Variants in FAM110B observed in about 807,000 individuals in gnomAD.
The protein encoded by FAM110B is protein FAM110B.
FAM110B carries 6 observed loss-of-function variants against 20.4 expected under a neutral mutation model. The ratio of observed to expected loss-of-function variants is 0.29; its 90% CI spans 0.16 to 0.58. The LOEUF is 0.58. Among genes scored for constraint, FAM110B ranks in the 20% least tolerant of loss-of-function variants. FAM110B has a pLI of 0.90. For synonymous variants in FAM110B, 226 were observed against 214.1 expected (o/e 1.06, Z -0.49); for missense variants, 434 against 498.2 (o/e 0.87, Z 1.23).
At chr8:57,997,060 C>T (rs1213254288) in intron 1 of FAM110B, among the ~76,000 whole-genome samples, 1 of 152,108 alleles carries the variant, frequency 6.6e-6, no homozygotes, top group African/African-American at 2.4e-5. Flanking sequence ...TTTAAAAAAT[C>T]GTGATTCCTA....
At chr8:58,012,328 G>C (rs554300836) in intron 1 of FAM110B, among the ~76,000 whole-genome samples, 2 of 151,614 alleles carry the variant, frequency 1.3e-5, no homozygotes, top group Admixed American at 1.3e-4. Flanking sequence ...TAAAACTAAA[G>C]ATCTTCTTAG....
chr8:58,067,173 AAC>A (rs1403275210), intron 2 of FAM110B, among the ~76,000 whole-genome samples: 1 of 152,220 alleles, frequency 6.6e-6, no homozygotes, highest in Non-Finnish European at 1.5e-5. Context: ...AAATTCTGGA[AAC>A]ACAGCCTCAT....
chr8:58,022,743 G>A (rs1015036998), intron 1 of FAM110B, among the ~76,000 whole-genome samples: 2 of 152,132 alleles, frequency 1.3e-5, no homozygotes, highest in Non-Finnish European at 2.9e-5. Flanking sequence ...CTTTTCTTAG[G>A]GAAGGCCAAA....
chr8:58,101,416 C>T (rs1806776978), intron 3 of FAM110B, among the ~76,000 whole-genome samples: 1 of 152,200 alleles, frequency 6.6e-6, no homozygotes, highest in Admixed American at 6.5e-5. Flanking sequence ...ATCATCCTAG[C>T]TTAACTTCAT....
intron 3 of FAM110B, among the ~76,000 whole-genome samples, chr8:58,096,853 A>C (rs1397698258): frequency 6.6e-6 from 1 of 152,148 alleles, no homozygotes; most frequent in Admixed American, 6.5e-5. Flanking sequence ...TCTCTCTTAG[A>C]ATGTTGAATA....
Position 58,146,159 on chromosome 8 carries a change from T to C in FAM110B, c.-72T>C. 1 of 1,501,992 alleles carries C rather than the reference T, an allele frequency of 6.7e-7. No individual in the cohort carries two copies. Among genetic ancestry groups the C allele is most frequent in the East Asian group, 2.3e-5 (1 of 43,700 alleles). 93.0% of individuals were successfully genotyped at this position (1,501,992 alleles called of 1,614,324 possible). ...CGCCGCCCTTGGCGCTTCATGTACA[T>C]GTGTCTATTCAGGCCTTGCGGAGGC... On this transcript the variant is annotated 5_prime_UTR_variant, in exon 4 of 4. An upstream start codon of the reference 5' UTR is lost. Transcript: ENST00000519262.
intron 3 of FAM110B, among the ~76,000 whole-genome samples, chr8:58,088,935 G>A (rs1193412071): frequency 6.6e-6 from 1 of 152,140 alleles, no homozygotes; most frequent in Admixed American, 6.5e-5. Context: ...TATAAATACT[G>A]CCTTTGACAG....
intron 3 of FAM110B, among the ~76,000 whole-genome samples, chr8:58,130,796 G>C (rs541841433): frequency 2.6e-5 from 4 of 152,282 alleles, no homozygotes; most frequent in African/African-American, 9.6e-5. Flanking sequence ...TTCTTCCTCT[G>C]TCTTACAGAT....
At chr8:58,135,369 G>C (rs969248955) in intron 3 of FAM110B, among the ~76,000 whole-genome samples, 2 of 152,208 alleles carry the variant, frequency 1.3e-5, no homozygotes, top group Admixed American at 6.5e-5. Context: ...TTAATAGGAA[G>C]TGGTCATTAC....
At chr8:58,052,824 C>A (rs1023633094) in intron 2 of FAM110B, among the ~76,000 whole-genome samples, 3 of 130,310 alleles carry the variant, frequency 2.3e-5, no homozygotes, top group Non-Finnish European at 4.7e-5. Flanking sequence ...CTCGCTCTGT[C>A]GCCCAGGCTG....
At chr8:57,999,374 A>G (rs7010621) in intron 1 of FAM110B, among the ~76,000 whole-genome samples, 87,126 of 151,968 alleles carry the variant, frequency 0.57, 26,040 homozygotes, top group East Asian at 0.76. Context: ...CAATTCACAG[A>G]CATATGGGAA....
intron 1 of FAM110B, among the ~76,000 whole-genome samples, chr8:58,014,849 A>G (rs984490500): frequency 2.0e-5 from 3 of 152,176 alleles, no homozygotes; most frequent in African/African-American, 2.4e-5. Flanking sequence ...ATGTTTTTGT[A>G]CCATATTCTG....
Position 58,147,682 on chromosome 8 carries a change from A to G in FAM110B, c.*339A>G, listed in dbSNP as rs749994802. On this transcript the variant is annotated 3_prime_UTR_variant, in exon 4 of 4. Transcript: ENST00000519262. ...TATCCCGCGCTATTGTGTCTTAATT[A>G]AAAGTTTTATCAACTGGCTTTTAAG... 6.0e-5 allele frequency: 14 copies of G among 235,288 alleles called. No individual in the cohort carries two copies. The highest frequency in any genetic ancestry group is 1.2e-4 in the Non-Finnish European group (13 of 110,514). 14.6% of individuals were successfully genotyped at this position (235,288 alleles called of 1,614,324 possible).
intron 3 of FAM110B, among the ~76,000 whole-genome samples, chr8:58,118,599 T>C (rs1025084495): frequency 1.3e-5 from 2 of 152,158 alleles, no homozygotes; most frequent in African/African-American, 4.8e-5. Flanking sequence ...GCTTCCAAAG[T>C]GTCTGTGCTA....
intron 3 of FAM110B, among the ~76,000 whole-genome samples, chr8:58,086,682 C>G (rs1806344861): frequency 6.6e-6 from 1 of 152,168 alleles, no homozygotes; most frequent in East Asian, 1.9e-4. Context: ...CAATATTGCT[C>G]TCATATGTAA....
chr8:58,092,191 T>C (rs1806497790), intron 3 of FAM110B, among the ~76,000 whole-genome samples: 1 of 152,194 alleles, frequency 6.6e-6, no homozygotes, highest in African/African-American at 2.4e-5. Context: ...TGTTTATGTA[T>C]TATTTTTGTC....
At chr8:58,100,513 G>C (rs569100406) in intron 3 of FAM110B, among the ~76,000 whole-genome samples, 1 of 152,308 alleles carries the variant, frequency 6.6e-6, no homozygotes, top group Admixed American at 6.5e-5. Context: ...CAGCAGGGCT[G>C]GTTCCTTCTG....
chr8:57,997,693 A>G (rs1804213149), intron 1 of FAM110B, among the ~76,000 whole-genome samples: 1 of 152,240 alleles, frequency 6.6e-6, no homozygotes, highest in Admixed American at 6.5e-5. Context: ...TTGCAAAGTC[A>G]TGACTCATCC....
chr8:58,081,507 A>G (rs1396139750), intron 3 of FAM110B, among the ~76,000 whole-genome samples: 2 of 152,198 alleles, frequency 1.3e-5, no homozygotes, highest in Admixed American at 6.5e-5. Flanking sequence ...ATACCTGGCC[A>G]GAAAATTCTT....
Sources: gnomAD v4.1 joint callset for allele counts (sites outside exome capture counted in the v4.1 genomes callset) on GRCh38, gnomAD v4.1.1 for gene constraint, MANE v1.5 for transcripts, NCBI Gene and HGNC (gene_info 2026-07-23, HGNC 2026-07-21) for gene names.